AGMO: variants seen among roughly 807,000 people sequenced by gnomAD.
AGMO encodes the protein alkylglycerol monooxygenase.
A neutral mutation model predicts 60.2 loss-of-function variants in AGMO; 75 were observed. The ratio of observed to expected loss-of-function variants is 1.25; its 90% CI spans 1.03 to 1.51. The LOEUF (loss-of-function observed/expected upper bound fraction) is 1.51. Ranked by LOEUF, AGMO falls within the 40% of genes most tolerant of loss-of-function variation. The probability of loss-of-function intolerance (pLI) is 0.00; values close to 1 mark genes in which losing one functional copy is unlikely to be tolerated. For synonymous variants in AGMO, 261 were observed against 177.1 expected (o/e 1.47, Z -3.76); for missense variants, 763 against 525.5 (o/e 1.45, Z -4.42).
intron 12 of AGMO, among the ~76,000 whole-genome samples, chr7:15,324,370 C>T (rs1032739646): frequency 6.6e-6 from 1 of 152,170 alleles, no homozygotes; most frequent in African/African-American, 2.4e-5. Context: ...CTCCTAGTTG[C>T]TGATGTTCTA....
At chr7:15,477,662 C>A (rs1259392910) in intron 3 of AGMO, among the ~76,000 whole-genome samples, 1 of 152,110 alleles carries the variant, frequency 6.6e-6, no homozygotes, top group Non-Finnish European at 1.5e-5. Context: ...AAGTAACTTA[C>A]TGTTTCAGAT....
rs555401184 is a variant in AGMO at position 15,484,609 on chromosome 7, G to A, written c.410-53501C>T. The stretch of plus-strand genomic sequence containing the variant: ...TAAAACATGAAAAACTACCAAGTAG[G>A]TATTCCGCTCTTGAAATGTTTTGAC... On this transcript the variant is annotated intron_variant, in intron 3 of 12. Transcript: ENST00000342526. 7.2e-5 allele frequency among the ~76,000 whole-genome samples: 11 copies of A among 152,138 alleles called. No individual in the cohort carries two copies. The South Asian group carries it at 2.1e-3, about 29-fold the overall frequency.
At chr7:15,338,286 A>C (rs1781726542) in intron 12 of AGMO, among the ~76,000 whole-genome samples, 1 of 152,182 alleles carries the variant, frequency 6.6e-6, no homozygotes, top group African/African-American at 2.4e-5. Context: ...CATCACCTGG[A>C]GAAGAAAAGG....
intron 12 of AGMO, among the ~76,000 whole-genome samples, chr7:15,248,795 C>T (rs1294454354): frequency 6.6e-6 from 1 of 152,250 alleles, no homozygotes; most frequent in African/African-American, 2.4e-5. Context: ...GAATTCTTGA[C>T]TTGAGCCAAG....
chr7:15,191,982 C>T, the AGMO span, among the ~76,000 whole-genome samples: 10 of 146,918 alleles, frequency 6.8e-5, no homozygotes, highest in African/African-American at 2.4e-4. Flanking sequence ...CTCACACACA[C>T]ACACACACAC....
At chr7:15,368,571 C>T (rs375567246) in intron 10 of AGMO, among the ~76,000 whole-genome samples, 3 of 152,012 alleles carry the variant, frequency 2.0e-5, no homozygotes, top group East Asian at 1.9e-4. Flanking sequence ...AAATAAAATA[C>T]GCGTTTGGCA....
chr7:15,442,859 A>G (rs1325975309), intron 3 of AGMO, among the ~76,000 whole-genome samples: 1 of 152,144 alleles, frequency 6.6e-6, no homozygotes, highest in East Asian at 1.9e-4. Context: ...CACAAGTGGA[A>G]GAAGACACAA....
intron 2 of AGMO, among the ~76,000 whole-genome samples, chr7:15,552,365 C>G (rs1005902970): frequency 5.3e-5 from 8 of 152,124 alleles, no homozygotes; most frequent in African/African-American, 1.9e-4. Flanking sequence ...AAAGAAACTA[C>G]CATTAGAGTG....
intron 10 of AGMO, among the ~76,000 whole-genome samples, chr7:15,370,621 T>C (rs1417143913): frequency 6.6e-6 from 1 of 152,200 alleles, no homozygotes; most frequent in Non-Finnish European, 1.5e-5. Context: ...TGGTTTTGAT[T>C]TGCATTTCTC....
intron 5 of AGMO, among the ~76,000 whole-genome samples, chr7:15,411,780 A>G (rs75235294): frequency 6.6e-6 from 1 of 152,064 alleles, no homozygotes; most frequent in African/African-American, 2.4e-5. Flanking sequence ...TACTTAAAAT[A>G]CATATCACAA....
chr7:15,360,899 T>C (rs1212427750), intron 12 of AGMO, among the ~76,000 whole-genome samples: 2 of 151,748 alleles, frequency 1.3e-5, no homozygotes, highest in Non-Finnish European at 1.5e-5. Flanking sequence ...TAAAATCAGG[T>C]TATGATCCTC....
chr7:15,124,240 G>T, the AGMO span, among the ~76,000 whole-genome samples: 4 of 151,902 alleles, frequency 2.6e-5, no homozygotes, highest in East Asian at 5.9e-4. Context: ...TTTGTTTCAT[G>T]ATGGCTGACT....
intron 10 of AGMO, among the ~76,000 whole-genome samples, chr7:15,368,065 C>T (rs6956865): frequency 6.6e-6 from 1 of 151,886 alleles, no homozygotes; most frequent in South Asian, 2.1e-4. Context: ...ATTTTAAACC[C>T]TCCAAAGCAA....
chr7:15,151,334 G>A, the AGMO span, among the ~76,000 whole-genome samples: 4 of 151,764 alleles, frequency 2.6e-5, no homozygotes, highest in East Asian at 3.9e-4. Context: ...TCAGTTCATC[G>A]CTCGTTTTGG....
At chr7:15,470,843 A>T (rs192743290) in intron 3 of AGMO, among the ~76,000 whole-genome samples, 2 of 152,130 alleles carry the variant, frequency 1.3e-5, no homozygotes, top group East Asian at 3.9e-4. Flanking sequence ...TACTCTTATT[A>T]TGGGAGAGCA....
intron 3 of AGMO, among the ~76,000 whole-genome samples, chr7:15,500,736 G>C (rs1461650343): frequency 6.6e-6 from 1 of 151,632 alleles, no homozygotes; most frequent in Non-Finnish European, 1.5e-5. Context: ...ATAGCTTTGG[G>C]GTTTGTTTGC....
intron 12 of AGMO, among the ~76,000 whole-genome samples, chr7:15,216,145 C>A (rs988974730): frequency 1.3e-5 from 2 of 151,978 alleles, no homozygotes; most frequent in East Asian, 3.9e-4. Context: ...AAATCAGGGT[C>A]AACACATAAT....
chr7:15,438,715 G>A lies in AGMO; in HGVS notation c.410-7607C>T, dbSNP rs559643045. 2.6e-5 allele frequency among the ~76,000 whole-genome samples: 4 copies of A among 152,244 alleles called. No individual in the cohort carries two copies. The East Asian group carries it at 7.7e-4, about 29-fold the overall frequency. On this transcript the variant is annotated intron_variant, in intron 3 of 12. Transcript: ENST00000342526. ...CCTAGGGTACGCAAAGACACCAGAT[G>A]GAAGGATTCTGGGTCCCTGAATGAC...
intron 12 of AGMO, among the ~76,000 whole-genome samples, chr7:15,311,235 A>T (rs1780761718): frequency 6.6e-6 from 1 of 152,190 alleles, no homozygotes; most frequent in Non-Finnish European, 1.5e-5. Flanking sequence ...TAGAGCCCCA[A>T]ATCCAAACAA....
Sources: allele counts gnomAD v4.1 joint callset (sites outside exome capture counted in the v4.1 genomes callset), GRCh38; gene constraint gnomAD v4.1.1; transcripts MANE v1.5; gene names NCBI Gene and HGNC (gene_info 2026-07-23, HGNC 2026-07-21).